The following ZNF831 variants were observed in gnomAD, a reference collection of about 807,000 sequenced individuals.
ZNF831 encodes zinc finger protein 831, also known as chromosome 20 open reading frame 174.
A neutral mutation model predicts 95.8 loss-of-function variants in ZNF831; 59 were observed. The observed-to-expected ratio is 0.62, with a 90% CI of 0.50 to 0.77. The LOEUF is 0.77. Ranked by LOEUF, ZNF831 falls within the 30% of genes least tolerant of loss-of-function variation. The pLI, the probability that ZNF831 is intolerant of heterozygous loss-of-function variation, is 0.00. For synonymous variants in ZNF831, 961 were observed against 925.5 expected (o/e 1.04, Z -0.70); for missense variants, 2,205 against 2,164.0 (o/e 1.02, Z -0.38).
At chr20:59,211,049 G>GAAAAGAAAAGAAAAAAAAAA (rs1985285695) in intron 4 of ZNF831, among the ~76,000 whole-genome samples, 3 of 60,730 alleles carry the variant, frequency 4.9e-5, no homozygotes, top group African/African-American at 2.9e-4. Context: ...CAAAAAAAAA[G>GAAAAGAAAAGAAAAAAAAAA]AAAAAAAAAA....
intron 4 of ZNF831, among the ~76,000 whole-genome samples, chr20:59,215,305 C>G (rs939174489): frequency 6.6e-6 from 1 of 152,214 alleles, no homozygotes; most frequent in Admixed American, 6.5e-5. Flanking sequence ...AGGAGCTGAG[C>G]ATGGCCCTGT....
At chr20:59,213,726 T>TG (rs377065029) in intron 4 of ZNF831, among the ~76,000 whole-genome samples, 16 of 152,260 alleles carry the variant, frequency 1.1e-4, no homozygotes, top group African/African-American at 3.9e-4. Flanking sequence ...GTGTCAAAAA[T>TG]GGAAAAATCC....
At chr20:59,197,140 T>C (rs11908132) in intron 3 of ZNF831, among the ~76,000 whole-genome samples, 33,865 of 151,886 alleles carry the variant, frequency 0.22, 3,968 homozygotes, top group African/African-American at 0.28. Flanking sequence ...ATTCCTAACT[T>C]TCCCCTGTAG....
chr20:59,148,418 A>AATT (rs1980001664), intron 2 of ZNF831, among the ~76,000 whole-genome samples: 3 of 117,124 alleles, frequency 2.6e-5, no homozygotes, highest in Admixed American at 7.6e-5. Flanking sequence ...GCGGTGGCTC[A>AATT]CGCCTGTAAT....
chr20:59,151,001 A>G (rs1208479618), intron 2 of ZNF831, among the ~76,000 whole-genome samples: 1 of 152,230 alleles, frequency 6.6e-6, no homozygotes, highest in Non-Finnish European at 1.5e-5. Context: ...GCCTGCCCAG[A>G]TGGGAGACCC....
intron 4 of ZNF831, among the ~76,000 whole-genome samples, chr20:59,233,044 A>ACACACC: frequency 7.1e-6 from 1 of 141,092 alleles, no homozygotes; most frequent in African/African-American, 2.7e-5. Context: ...ACACACACAC[A>ACACACC]TAGAGAGAGA....
At chr20:59,190,862 C>G (rs776081006) in intron 1 of ZNF831, 122 bp from the exon 2 acceptor site, 54 of 819,308 alleles carry the variant, frequency 6.6e-5, no homozygotes, top group Non-Finnish European at 9.0e-5. Context: ...GATGAGAGTA[C>G]ATTCCTTAGG....
At chr20:59,211,756 C>T (rs755330400) in intron 4 of ZNF831, among the ~76,000 whole-genome samples, 3 of 149,044 alleles carry the variant, frequency 2.0e-5, no homozygotes, top group African/African-American at 5.2e-5. Flanking sequence ...ATCAGAGCTG[C>T]GTCCTCGGTG....
At chr20:59,150,162 A>T (rs1980143733) in intron 2 of ZNF831, among the ~76,000 whole-genome samples, 1 of 152,228 alleles carries the variant, frequency 6.6e-6, no homozygotes, top group Admixed American at 6.5e-5. Context: ...CTCAATTAGG[A>T]AACACATGTT....
chr20:59,153,823 C>G (rs1289847093), intron 2 of ZNF831, among the ~76,000 whole-genome samples: 2 of 152,236 alleles, frequency 1.3e-5, no homozygotes, highest in East Asian at 3.8e-4. Flanking sequence ...CAATTGCTTA[C>G]CAAGTACCTA....
intron 1 of ZNF831, among the ~76,000 whole-genome samples, chr20:59,170,980 A>G (rs1275010480): frequency 6.6e-6 from 1 of 152,226 alleles, no homozygotes; most frequent in Non-Finnish European, 1.5e-5. Flanking sequence ...GAGCTCCCAG[A>G]AAGACAGTGT....
At chr20:59,172,912 C>T (rs1981858869) in intron 1 of ZNF831, among the ~76,000 whole-genome samples, 1 of 152,172 alleles carries the variant, frequency 6.6e-6, no homozygotes, top group Admixed American at 6.5e-5. Flanking sequence ...TGAGCCATTT[C>T]CTTCTGGGTC....
intron 3 of ZNF831, among the ~76,000 whole-genome samples, chr20:59,206,266 C>G (rs954900965): frequency 1.3e-5 from 2 of 151,868 alleles, no homozygotes; most frequent in South Asian, 4.1e-4. Flanking sequence ...CATCACATCC[C>G]TCTGAGATGT....
At chr20:59,171,195 G>A (rs1335362850) in intron 1 of ZNF831, among the ~76,000 whole-genome samples, 6 of 152,190 alleles carry the variant, frequency 3.9e-5, no homozygotes, top group Non-Finnish European at 8.8e-5. Context: ...CACACCACTG[G>A]CCCTCTCGTG....
In ZNF831 at chr20:59,217,162, C is replaced by CTCTCTG. The variant is rs375503499; in HGVS notation, c.4027+10107_4027+10108insCTCTGT. 6.7e-6 allele frequency among the ~76,000 whole-genome samples: 1 copy of CTCTCTG among 148,618 alleles called. No individual in the cohort carries two copies. Among genetic ancestry groups the CTCTCTG allele is most frequent in the African/African-American group, 2.5e-5 (1 of 40,146 alleles). On this transcript the variant is annotated intron_variant, in intron 4 of 5. Coordinates refer to ENST00000371030, the MANE Select transcript of ZNF831 (RefSeq NM_178457.3). This position sits in a 1 kb window ranked among gnomAD's most constrained non-coding sequence, Gnocchi z 4.4. ...GAGTACATCTGACAGATCTTCATCT[C>CTCTCTG]TGTGTGTGTGTGTGTGTGTGTGTGT...
intron 4 of ZNF831, among the ~76,000 whole-genome samples, chr20:59,218,606 T>TA (rs1555832553): frequency 2.0e-5 from 3 of 151,756 alleles, no homozygotes; most frequent in East Asian, 1.9e-4. Flanking sequence ...TTTTTTTTTT[T>TA]TATATATATA....
chr20:59,217,273 G>C lies in ZNF831; in HGVS notation c.4027+10217G>C, dbSNP rs1568775995. On this transcript the variant is annotated intron_variant, in intron 4 of 5. Coordinates refer to ENST00000371030, the MANE Select transcript of ZNF831 (RefSeq NM_178457.3). This position sits in a 1 kb window ranked among gnomAD's most constrained non-coding sequence, Gnocchi z 4.4. ...CAAAAATGTTTTGTGGTTCCACACT[G>C]TGAAAACATGTAGCTCTGTCTCAAC... Among the ~76,000 whole-genome samples the C allele has an allele frequency of 6.6e-6, 1 of 152,130 alleles. No individual in the cohort carries two copies. The highest frequency in any genetic ancestry group is 1.5e-5 in the Non-Finnish European group (1 of 68,042).
chr20:59,188,401 C>T (rs1983232297), intron 1 of ZNF831, among the ~76,000 whole-genome samples: 1 of 152,124 alleles, frequency 6.6e-6, no homozygotes, highest in Non-Finnish European at 1.5e-5. Flanking sequence ...TTACATTTTC[C>T]TAATAGCTGA....
chr20:59,222,202 C>T (rs1043296078), intron 4 of ZNF831, among the ~76,000 whole-genome samples: 1 of 152,356 alleles, frequency 6.6e-6, no homozygotes, highest in African/African-American at 2.4e-5. Flanking sequence ...CGCAGAGCCC[C>T]GAACCCCACT....
Sources: allele counts gnomAD v4.1 joint callset (sites outside exome capture counted in the v4.1 genomes callset), GRCh38; gene constraint gnomAD v4.1.1; non-coding constraint Gnocchi (gnomAD v3.1); transcripts MANE v1.5; gene names NCBI Gene and HGNC (gene_info 2026-07-23, HGNC 2026-07-21).